The following NBAS variants were observed in gnomAD, a reference collection of about 807,000 sequenced individuals.
NBAS encodes the protein NAG/BC035112 fusion.
Under a neutral mutation model 302.5 loss-of-function variants are expected in NBAS, and 219 were observed. That is an observed-to-expected ratio of 0.72 (90% confidence interval 0.65 to 0.81). The LOEUF (loss-of-function observed/expected upper bound fraction) is 0.81. Among genes scored for constraint, NBAS ranks in the 30% least tolerant of loss-of-function variants. The pLI is 0.00. For missense variants in NBAS, 2,932 were observed against 2,841.6 expected, an observed-to-expected ratio of 1.03 and a Z score of -0.72; for synonymous variants, 1,118 against 1,021.6, an observed-to-expected ratio of 1.09 and a Z score of -1.80.
At chr2:14,884,771 T>C in the NBAS span, among the ~76,000 whole-genome samples, 1 of 152,058 alleles carries the variant, frequency 6.6e-6, no homozygotes, top group Non-Finnish European at 1.5e-5. Flanking sequence ...AATAAACAGG[T>C]GACATAATGG....
the NBAS span, among the ~76,000 whole-genome samples, chr2:14,864,142 CCCCGT>C: frequency 8.6e-5 from 13 of 151,958 alleles, no homozygotes; most frequent in East Asian, 2.3e-3. Flanking sequence ...CATGGTGAAA[CCCCGT>C]CTCTATTAAA....
the NBAS span, among the ~76,000 whole-genome samples, chr2:15,018,630 A>G: frequency 9.9e-5 from 15 of 150,920 alleles, no homozygotes; most frequent in Non-Finnish European, 2.1e-4. Context: ...TGCATAGATT[A>G]TTTTTCCTCT....
chr2:14,834,377 T>C, the NBAS span, among the ~76,000 whole-genome samples: 1 of 152,174 alleles, frequency 6.6e-6, no homozygotes, highest in Non-Finnish European at 1.5e-5. Flanking sequence ...TGTCTCCATT[T>C]TGAGTGCTCT....
the NBAS span, among the ~76,000 whole-genome samples, chr2:15,038,495 T>G: frequency 6.6e-6 from 1 of 152,174 alleles, no homozygotes; most frequent in Non-Finnish European, 1.5e-5. Context: ...GCACATCTCA[T>G]GATTAGAAGC....
At chr2:14,984,840 G>T in the NBAS span, among the ~76,000 whole-genome samples, 1 of 152,180 alleles carries the variant, frequency 6.6e-6, no homozygotes, top group Non-Finnish European at 1.5e-5. Flanking sequence ...CAAGTGGCTG[G>T]ATGTGTAGGC....
the NBAS span, among the ~76,000 whole-genome samples, chr2:14,868,714 C>T: frequency 6.6e-5 from 10 of 152,348 alleles, no homozygotes; most frequent in East Asian, 1.9e-3. Flanking sequence ...TGCTACTAGA[C>T]TGTCTTGTGT....
the NBAS span, among the ~76,000 whole-genome samples, chr2:15,036,083 C>T: frequency 6.6e-6 from 1 of 152,120 alleles, no homozygotes; most frequent in African/African-American, 2.4e-5. Context: ...TATTCTCACG[C>T]CAACAGAAAG....
chr2:15,246,453 C>G (rs1244855138), intron 44 of NBAS, among the ~76,000 whole-genome samples: 1 of 152,176 alleles, frequency 6.6e-6, no homozygotes, highest in Non-Finnish European at 1.5e-5. Context: ...TATTAAATTA[C>G]TGAACAACTC....
At chr2:15,441,153 G>C (rs151000978) in intron 21 of NBAS, among the ~76,000 whole-genome samples, 1 of 152,122 alleles carries the variant, frequency 6.6e-6, no homozygotes, top group African/African-American at 2.4e-5. Flanking sequence ...GAAATACAGA[G>C]AATGCCACAA....
chr2:15,290,081 G>C (rs1670236740), intron 41 of NBAS, among the ~76,000 whole-genome samples: 1 of 148,558 alleles, frequency 6.7e-6, no homozygotes, highest in Non-Finnish European at 1.5e-5. Context: ...ATAGGGGAGA[G>C]AGTAGAGGGG....
rs770752437 is a variant in NBAS at position 15,238,673 on chromosome 2, G to A, written c.5738C>T (p.Ala1913Val). ...AGCCTTTCTAGTCATCTCTTTACGG[G>A]CTTCCACAGACAGCTTAAAAAAAAG... Reference protein sequence around the residue: ...PKAVTKLSVEARKEMTRKAIK... With the variant: ...PKAVTKLSVEVRKEMTRKAIK... Residue 1913 changes from alanine (A) to valine (V), a missense_variant, in exon 45 of 52, where the codon GCC (alanine) becomes GTC (valine). Transcript: ENST00000281513. The A allele has an allele frequency of 4.2e-5, 67 of 1,580,776 alleles. 6 individuals carry two copies. In the South Asian group the frequency reaches 4.9e-4, roughly 12 times the overall value.
At chr2:15,266,830 A>G (rs928819108) in intron 44 of NBAS, among the ~76,000 whole-genome samples, 85 of 152,228 alleles carry the variant, frequency 5.6e-4, no homozygotes, top group Non-Finnish European at 9.1e-4. Flanking sequence ...GAATTCCCAA[A>G]TGTATTTCTA....
the NBAS span, among the ~76,000 whole-genome samples, chr2:15,064,775 A>G: frequency 0.51 from 76,923 of 151,770 alleles, 21,711 homozygotes; most frequent in Non-Finnish European, 0.62. Flanking sequence ...CAAAAACGAA[A>G]CAGAACAAAA....
At chr2:15,158,048 TG>T in the NBAS span, among the ~76,000 whole-genome samples, 1 of 152,202 alleles carries the variant, frequency 6.6e-6, no homozygotes, top group African/African-American at 2.4e-5. Flanking sequence ...GGGGACTCTC[TG>T]GACCCGGTGG....
intron 10 of NBAS, among the ~76,000 whole-genome samples, chr2:15,505,676 A>T (rs1212174038): frequency 6.6e-6 from 1 of 152,226 alleles, no homozygotes; most frequent in Non-Finnish European, 1.5e-5. Flanking sequence ...ATAAAAATGA[A>T]CAAGAAAGAG....
rs191666355 is a variant in NBAS at position 15,402,280 on chromosome 2, C to G, written c.2959G>C (p.Asp987His). The G allele has an allele frequency of 3.7e-6, 6 of 1,613,352 alleles. No individual in the cohort carries two copies. The highest frequency in any genetic ancestry group is 2.7e-5 in the African/African-American group (2 of 74,874). Residue 987 changes from aspartate (D) to histidine (H), a missense_variant, in exon 26 of 52, where the codon GAT becomes CAT. Asp to His is a moderately conservative substitution (Grantham distance 81). Transcript: ENST00000281513. Reference sequence around the variant, plus strand: ...GCTATTGCCATCAGTTGGTCCTGATCAGGAATAATTTTTTGCTGCAGCTAC... The same window carrying G: ...GCTATTGCCATCAGTTGGTCCTGATGAGGAATAATTTTTTGCTGCAGCTAC... ...KPDLQQKIIP[D>H]QDQLMAIALE...
chr2:15,504,747 C>T lies in NBAS; in HGVS notation c.886-534G>A, dbSNP rs556570829. Reference sequence around the variant, plus strand: ...TTGAGGATGTAGGGAATCTGGAACCCTCATACACTATTGATGGGAACATAA... The same window carrying T: ...TTGAGGATGTAGGGAATCTGGAACCTTCATACACTATTGATGGGAACATAA... On this transcript the variant is annotated intron_variant, in intron 10 of 51. Coordinates refer to ENST00000281513, the MANE Select transcript of NBAS (RefSeq NM_015909.4). Among the ~76,000 whole-genome samples, 33 of 152,126 alleles carry T rather than the reference C, an allele frequency of 2.2e-4. 1 individual carries two copies. The highest frequency in any genetic ancestry group is 2.0e-3 in the Admixed American group (31 of 15,282).
At chr2:14,931,302 TTTTG>T in the NBAS span, among the ~76,000 whole-genome samples, 266 of 152,260 alleles carry the variant, frequency 1.7e-3, no homozygotes, top group Non-Finnish European at 2.1e-3. Flanking sequence ...TTTGCAGGTT[TTTTG>T]TTTGTTTGTT....
At chr2:15,196,370 A>G (rs781676779) in intron 48 of NBAS, among the ~76,000 whole-genome samples, 5 of 152,262 alleles carry the variant, frequency 3.3e-5, no homozygotes, top group African/African-American at 7.2e-5. Flanking sequence ...ATCCATGTCA[A>G]TATCCCGGTT....
Sources: allele counts gnomAD v4.1 joint callset (sites outside exome capture counted in the v4.1 genomes callset), GRCh38; gene constraint gnomAD v4.1.1; transcripts MANE v1.5; gene names NCBI Gene and HGNC (gene_info 2026-07-23, HGNC 2026-07-21).